The following TOP2B variants were observed in gnomAD, a reference collection of about 807,000 sequenced individuals.
TOP2B encodes the protein DNA topoisomerase II beta, also known as DNA topoisomerase 2-beta.
TOP2B carries 51 observed loss-of-function variants against 193.5 expected under a neutral mutation model. The ratio of observed to expected loss-of-function variants is 0.26; its 90% CI spans 0.21 to 0.33. TOP2B has a LOEUF of 0.33. Among genes scored for constraint, TOP2B ranks in the 10% least tolerant of loss-of-function variants. The probability of loss-of-function intolerance (pLI) is 1.00; values close to 1 mark genes in which losing one functional copy is unlikely to be tolerated. For synonymous variants in TOP2B, 634 were observed against 635.7 expected (o/e 1.00, Z 0.04); for missense variants, 1,378 against 1,909.3 (o/e 0.72, Z 5.19).
At chr3:25,655,999 A>G (rs1339447605) in intron 1 of TOP2B, among the ~76,000 whole-genome samples, 1 of 152,214 alleles carries the variant, frequency 6.6e-6, no homozygotes, top group Non-Finnish European at 1.5e-5. Flanking sequence ...CTTAATGGCT[A>G]AGACAGTAAA....
intron 7 of TOP2B, among the ~76,000 whole-genome samples, chr3:25,634,892 G>A (rs988953427): frequency 1.3e-5 from 2 of 151,924 alleles, no homozygotes; most frequent in African/African-American, 4.8e-5. Context: ...AGAGAATAGA[G>A]GGCAGAAAAA....
chr3:25,643,271 G>GT (rs1298230060), intron 3 of TOP2B, among the ~76,000 whole-genome samples: 1 of 152,142 alleles, frequency 6.6e-6, no homozygotes, highest in East Asian at 1.9e-4. Context: ...TACAGCAATG[G>GT]TTATTACACT....
Position 25,639,961 on chromosome 3 carries a change from T to C in TOP2B, c.396-1651A>G, listed in dbSNP as rs1307622354. On this transcript the variant is annotated intron_variant, in intron 4 of 35. Transcript: ENST00000264331. ...GTGCACAAATGTACAAAAATAAAAA[T>C]CTGCTATACAAAAATGTTAAAAAGA... 2.6e-5 allele frequency among the ~76,000 whole-genome samples: 4 copies of C among 152,246 alleles called. No individual in the cohort carries two copies. The South Asian group carries it at 6.2e-4, about 24-fold the overall frequency.
At chr3:25,618,324 A>T in intron 25 of TOP2B, 94 bp downstream of exon 25, 1 of 805,032 alleles carries the variant, frequency 1.2e-6, no homozygotes, top group Non-Finnish European at 2.1e-6. Flanking sequence ...CACCTTTAGT[A>T]GTACTAAATT....
At chr3:25,633,555 G>A (rs537667333) in intron 8 of TOP2B, among the ~76,000 whole-genome samples, 2 of 152,034 alleles carry the variant, frequency 1.3e-5, no homozygotes, top group African/African-American at 2.4e-5. Context: ...GGGGAAGGTG[G>A]GGCTAAAAGT....
At chr3:25,621,872 C>G (rs544426179) in intron 21 of TOP2B, among the ~76,000 whole-genome samples, 4 of 151,936 alleles carry the variant, frequency 2.6e-5, no homozygotes, top group East Asian at 3.9e-4. Flanking sequence ...ACCTGTGGCC[C>G]CATCTACTCA....
At chr3:25,663,122 G>A (rs2125415286) in intron 1 of TOP2B, among the ~76,000 whole-genome samples, 1 of 152,218 alleles carries the variant, frequency 6.6e-6, no homozygotes, top group East Asian at 1.9e-4. Flanking sequence ...AATGTACCCT[G>A]GCACGCAAAC....
chr3:25,632,328 G>T, intron 10 of TOP2B, 118 bp downstream of exon 10: 1 of 827,700 alleles, frequency 1.2e-6, no homozygotes. Flanking sequence ...TGTAGTGCAA[G>T]CATGCTTATA....
At chr3:25,645,224 A>G (rs975431625) in intron 2 of TOP2B, 76 bp downstream of exon 2, 2 of 1,318,520 alleles carry the variant, frequency 1.5e-6, no homozygotes, top group African/African-American at 3.0e-5. Context: ...AAGTAATTAC[A>G]ATAATTTTAT....
intron 30 of TOP2B, among the ~76,000 whole-genome samples, chr3:25,608,872 C>T (rs573847091): frequency 6.6e-6 from 1 of 152,204 alleles, no homozygotes; most frequent in African/African-American, 2.4e-5. Flanking sequence ...CCACAAAGCA[C>T]TTCTAATATT....
At chr3:25,615,101 A>T in intron 27 of TOP2B, 104 bp downstream of exon 27, 1 of 940,264 alleles carries the variant, frequency 1.1e-6, no homozygotes, top group Non-Finnish European at 1.6e-6. Context: ...TAAACATATT[A>T]ACCTTCACAG....
rs1702918667 is a variant in TOP2B at position 25,630,260 on chromosome 3, ATATG to A, written c.1563+48_1563+51del. 9.2e-6 allele frequency: 14 copies of A among 1,529,128 alleles called. 1 individual carries two copies. The highest frequency in any genetic ancestry group is 8.7e-5 in the South Asian group (7 of 80,400). The allele number at this position is 1,529,128 out of a possible 1,614,324, so 94.7% of individuals were successfully genotyped here. On this transcript the variant is annotated intron_variant, in intron 12 of 35. Coordinates refer to ENST00000264331, the MANE Select transcript of TOP2B (RefSeq NM_001330700.2). ...AGTTTAGTAAAGTATTAGAAATGTC[ATATG>A]TATGTGTGCATGTGTGTATACACAT... is the stretch of plus-strand genomic sequence containing the variant.
At chr3:25,605,139 G>A (rs1427770691) in intron 32 of TOP2B, among the ~76,000 whole-genome samples, 1 of 152,034 alleles carries the variant, frequency 6.6e-6, no homozygotes, top group Non-Finnish European at 1.5e-5. Context: ...AAACATAACT[G>A]ACCAATTCAA....
At chr3:25,659,588 A>G (rs537948127) in intron 1 of TOP2B, among the ~76,000 whole-genome samples, 1 of 152,350 alleles carries the variant, frequency 6.6e-6, no homozygotes, top group South Asian at 2.1e-4. Flanking sequence ...GTTTTCCCAA[A>G]GCTAACAAAA....
Position 25,615,517 on chromosome 3 carries a change from G to C in TOP2B, c.3421C>G (p.Pro1141Ala). The C allele has an allele frequency of 6.3e-7, 1 of 1,575,138 alleles. No homozygotes were observed. The highest frequency in any genetic ancestry group is 8.6e-7 in the Non-Finnish European group (1 of 1,160,298). The change falls in exon 26 of 36, where the codon CCA (proline) becomes GCA (alanine). Residue 1141 changes from proline (P) to alanine (A), a missense_variant. Pro to Ala is a conservative substitution (Grantham distance 27). This residue lies in a region of TOP2B where 556 missense variants were observed against 584.2 expected (regional missense o/e 0.95). Transcript: ENST00000264331. Reference protein sequence around the residue: ...SSSDSGTPSGPDFNYILNMSL... With the variant: ...SSSDSGTPSGADFNYILNMSL... ...ATATTTAAAATATAATTAAAATCTG[G>C]GCCTGAAGGAGTTCCTGAATCGGAG...
chr3:25,610,507 C>T (rs558578505), intron 28 of TOP2B, among the ~76,000 whole-genome samples: 12 of 152,232 alleles, frequency 7.9e-5, no homozygotes, highest in Admixed American at 7.2e-4. Flanking sequence ...GAAGGGCATC[C>T]CAGGCAGAAG....
intron 1 of TOP2B, among the ~76,000 whole-genome samples, chr3:25,651,287 G>A (rs1213951207): frequency 2.6e-5 from 4 of 151,778 alleles, no homozygotes; most frequent in East Asian, 3.9e-4. Context: ...GGAGGGCAGA[G>A]GTGAAAAAAG....
At chr3:25,626,714 G>C (rs750991869) in intron 17 of TOP2B, 40 bp from the exon 18 acceptor site, 1 of 1,511,908 alleles carries the variant, frequency 6.6e-7, no homozygotes, top group Admixed American at 1.9e-5. Flanking sequence ...CATTATTACT[G>C]CATGAATTCT....
At chr3:25,611,179 G>A (rs1702359642) in intron 28 of TOP2B, among the ~76,000 whole-genome samples, 1 of 152,182 alleles carries the variant, frequency 6.6e-6, no homozygotes, top group Non-Finnish European at 1.5e-5. Context: ...TAAGCTCTGG[G>A]CATAGATAAG....
Sources: allele counts gnomAD v4.1 joint callset (sites outside exome capture counted in the v4.1 genomes callset), GRCh38; gene constraint gnomAD v4.1.1; regional missense constraint gnomAD v4.1.1; transcripts MANE v1.5; gene names NCBI Gene and HGNC (gene_info 2026-07-23, HGNC 2026-07-21).